The following HTRA4 variants were observed in gnomAD, a reference collection of about 807,000 sequenced individuals.
The protein encoded by HTRA4 is HtrA serine peptidase 4.
In HTRA4, 46 loss-of-function variants were observed where a neutral mutation model predicts 49.1. That is an observed-to-expected ratio of 0.94 (90% CI 0.74 to 1.20). The LOEUF (loss-of-function observed/expected upper bound fraction) is 1.20, where lower values mean the gene tolerates loss of function less well. Among genes scored for constraint, HTRA4 ranks in the 50% most tolerant of loss-of-function variants. The pLI, the probability that HTRA4 is intolerant of heterozygous loss-of-function variation, is 0.00. For synonymous variants in HTRA4, 261 were observed against 264.0 expected (o/e 0.99, Z 0.11); for missense variants, 602 against 636.9 (o/e 0.95, Z 0.59).
chr8:38,982,976 A>AT lies in HTRA4; in HGVS notation c.1198dup (p.Tyr400LeufsTer6). The AT allele has an allele frequency of 6.2e-7, 1 of 1,613,242 alleles. No homozygotes were observed. Among genetic ancestry groups the AT allele is most frequent in the South Asian group, 1.1e-5 (1 of 91,040 alleles). On this transcript the variant is annotated frameshift_variant, in exon 8 of 9. Transcript: ENST00000302495. LOFTEE classifies it high-confidence loss of function. ...AGCCTTAGTGAAGAATTGAAAATGCATTATCCAGATTTCCCTGATGTGAGT... is the reference window on the plus strand; with the variant it reads ...AGCCTTAGTGAAGAATTGAAAATGCATTTATCCAGATTTCCCTGATGTGAGT...
At position 38,988,125 on chromosome 8, in the gene HTRA4, TA is replaced by T. The variant is rs373559742; in HGVS notation, c.*40del. 25,785 of 1,297,008 alleles carry T rather than the reference TA, an allele frequency of 0.02. 2 individuals are homozygous for T. Among genetic ancestry groups the T allele is most frequent in the South Asian group, 0.035 (2,259 of 64,382 alleles). 80.3% of individuals were successfully genotyped at this position (1,297,008 alleles called of 1,614,324 possible). A position where few individuals can be genotyped will look rare whatever the true frequency, so the allele number is the denominator to read the frequency against. On this transcript the variant is annotated 3_prime_UTR_variant, in exon 9 of 9. Transcript: ENST00000302495. ...TATCTTGTTTTAAAGTGGGATTATC[TA>T]AAAAAAAAAAAACCAGTTATATCAC...
intron 8 of HTRA4, among the ~76,000 whole-genome samples, chr8:38,983,766 G>T (rs1474277072): frequency 6.6e-6 from 1 of 151,792 alleles, no homozygotes; most frequent in East Asian, 1.9e-4. Flanking sequence ...TTGCATTATT[G>T]TCTACAGGAC....
In HTRA4 at chr8:38,978,131, T is replaced by C. The variant is rs61746190; in HGVS notation, c.950T>C (p.Ile317Thr). The change falls in exon 4 of 9, where the codon ATT becomes ACT. Residue 317 changes from isoleucine to threonine, a missense_variant. Physicochemically the swap from Ile to Thr is moderately conservative, Grantham distance 89 (BLOSUM62 -1). Coordinates refer to ENST00000302495, the MANE Select transcript of HTRA4 (RefSeq NM_153692.4). ...MKDSDMDYVQ[I>T]DATINYGNSG... ...GATTCAGATATGGACTACGTCCAGATTGATGCCACAATTAATGTAAGTCAC... is the reference window on the plus strand; with the variant it reads ...GATTCAGATATGGACTACGTCCAGACTGATGCCACAATTAATGTAAGTCAC... The C allele has an allele frequency of 2.5e-6, 4 of 1,613,530 alleles. No homozygotes were observed. The highest frequency in any genetic ancestry group is 1.3e-5 in the African/African-American group (1 of 75,024).
chr8:38,979,299 C>CT, intron 5 of HTRA4, 52 bp downstream of exon 5: 1 of 1,540,906 alleles, frequency 6.5e-7, no homozygotes, highest in Non-Finnish European at 9.0e-7. Flanking sequence ...CTTTCAAAGA[C>CT]TTTATTAATT....
chr8:38,981,158 C>G (rs908857529), intron 5 of HTRA4, among the ~76,000 whole-genome samples: 1 of 135,992 alleles, frequency 7.4e-6, no homozygotes, highest in East Asian at 2.3e-4. Context: ...CGGCTCACTG[C>G]AAGCTCCGCC....
At chr8:38,976,828 C>G in intron 3 of HTRA4, 89 bp downstream of exon 3, 2 of 1,197,794 alleles carry the variant, frequency 1.7e-6, no homozygotes, top group Non-Finnish European at 2.4e-6. Context: ...ACTCTCACAC[C>G]ACATCTTTTC....
chr8:38,976,717 C>G lies in HTRA4; in HGVS notation c.749C>G (p.Ala250Gly). 6.2e-7 allele frequency: 1 copy of G among 1,614,042 alleles called. No individual in the cohort carries two copies. Among genetic ancestry groups the G allele is most frequent in the Non-Finnish European group, 8.5e-7 (1 of 1,180,008 alleles). Residue 250 changes from alanine (A) to glycine (G), a missense_variant, in exon 3 of 9, where the codon GCG becomes GGG. Transcript: ENST00000302495. The stretch of plus-strand genomic sequence containing the variant: ...GATATTGACCTTAAATTGGATCTTG[C>G]GGTGATTAAGATTGAATCAAATGTG... ...VKDIDLKLDLAVIKIESNAEL... is the reference protein window; with the variant it reads ...VKDIDLKLDLGVIKIESNAEL...
At chr8:38,985,980 C>T (rs1835478795) in intron 8 of HTRA4, among the ~76,000 whole-genome samples, 1 of 152,118 alleles carries the variant, frequency 6.6e-6, no homozygotes. Context: ...TGAGACCAGC[C>T]TGAGCAACAT....
chr8:38,975,649 A>G (rs1308226331), intron 2 of HTRA4, among the ~76,000 whole-genome samples: 2 of 152,068 alleles, frequency 1.3e-5, no homozygotes, highest in African/African-American at 4.8e-5. Context: ...GGCCCAAACG[A>G]TCTGCCACCT....
At chr8:38,981,856 T>C in intron 6 of HTRA4, 89 bp downstream of exon 6, 1 of 946,796 alleles carries the variant, frequency 1.1e-6, no homozygotes, top group East Asian at 2.4e-5. Flanking sequence ...AATTTTTTTG[T>C]TTTTGTTTTT....
At chr8:38,983,836 G>A (rs1304237105) in intron 8 of HTRA4, among the ~76,000 whole-genome samples, 1 of 151,932 alleles carries the variant, frequency 6.6e-6, no homozygotes, top group African/African-American at 2.4e-5. Context: ...GAGGGAGGTG[G>A]TTCTCTATAG....
In HTRA4 at chr8:38,974,571, C is replaced by G; in HGVS notation, c.308C>G (p.Pro103Arg). ...QCLQPLRPGF[P>R]STCGCPTLGG... ...CTCCAGCCGCTGCGCCCCGGGTTCC[C>G]CAGCACCTGCGGTTGCCCGACGCTG... The change falls in exon 1 of 9, where the codon CCC becomes CGC. Residue 103 changes from proline (P) to arginine (R), a missense_variant. Coordinates refer to ENST00000302495, the MANE Select transcript of HTRA4 (RefSeq NM_153692.4). 7.0e-7 allele frequency: 1 copy of G among 1,421,038 alleles called. No individual in the cohort carries two copies. The highest frequency in any genetic ancestry group is 9.1e-7 in the Non-Finnish European group (1 of 1,093,942). The allele number at this position is 1,421,038 out of a possible 1,614,324, so 88.0% of individuals were successfully genotyped here.
At chr8:38,985,673 T>C (rs1313897013) in intron 8 of HTRA4, among the ~76,000 whole-genome samples, 1 of 152,150 alleles carries the variant, frequency 6.6e-6, no homozygotes, top group Non-Finnish European at 1.5e-5. Flanking sequence ...TCTTCCCCCA[T>C]TTCCTTAAGT....
intron 2 of HTRA4, among the ~76,000 whole-genome samples, chr8:38,976,015 C>T (rs1012446524): frequency 6.6e-6 from 1 of 152,240 alleles, no homozygotes; most frequent in African/African-American, 2.4e-5. Flanking sequence ...GGACCCCACT[C>T]TCAACCATGC....
chr8:38,974,861 CTG>C (rs1279870418), intron 1 of HTRA4, 132 bp downstream of exon 1: 3 of 1,180,686 alleles, frequency 2.5e-6, no homozygotes, highest in African/African-American at 3.0e-5. Flanking sequence ...TTCGACACCT[CTG>C]TGTTCCTGAT....
intron 8 of HTRA4, 27 bp from the exon 9 acceptor site, chr8:38,987,909 A>C: frequency 1.3e-6 from 2 of 1,528,506 alleles, no homozygotes; most frequent in East Asian, 4.8e-5. Flanking sequence ...TAGTTTCATG[A>C]TCCTCTTTTT....
At chr8:38,975,307 G>A (rs1588289708) in intron 2 of HTRA4, among the ~76,000 whole-genome samples, 177 bp downstream of exon 2, 1 of 152,212 alleles carries the variant, frequency 6.6e-6, no homozygotes, top group Non-Finnish European at 1.5e-5. Context: ...GCACAAGGAT[G>A]CTGACTTCTA....
intron 8 of HTRA4, among the ~76,000 whole-genome samples, chr8:38,985,846 C>T (rs974741776): frequency 6.6e-6 from 1 of 152,144 alleles, no homozygotes. Flanking sequence ...AACAAGATCC[C>T]CAGGTGATTC....
At chr8:38,985,964 G>A (rs776090608) in intron 8 of HTRA4, among the ~76,000 whole-genome samples, 2 of 152,146 alleles carry the variant, frequency 1.3e-5, no homozygotes, top group Non-Finnish European at 2.9e-5. Flanking sequence ...TTTGAAACCA[G>A]GAGTTTGAGA....
Sources: gnomAD v4.1 joint callset for allele counts (sites outside exome capture counted in the v4.1 genomes callset) on GRCh38, gnomAD v4.1.1 for gene constraint, MANE v1.5 for transcripts, NCBI Gene and HGNC (gene_info 2026-07-23, HGNC 2026-07-21) for gene names.